SV2C: variants seen among roughly 807,000 people sequenced by gnomAD.
The protein encoded by SV2C is solute carrier family 22 member B3.
Under a neutral mutation model 79.7 loss-of-function variants are expected in SV2C, and 49 were observed. The observed-to-expected ratio is 0.61, with a 90% CI of 0.49 to 0.78. The LOEUF (loss-of-function observed/expected upper bound fraction) is 0.78. SV2C is among the 30% of genes least tolerant of loss of function. The probability of loss-of-function intolerance (pLI) is 0.00; values close to 1 mark genes in which losing one functional copy is unlikely to be tolerated. For missense variants in SV2C, 833 were observed against 912.9 expected, an observed-to-expected ratio of 0.91 and a Z score of 1.13; for synonymous variants, 334 against 333.2, an observed-to-expected ratio of 1.00 and a Z score of -0.03.
the SV2C span, among the ~76,000 whole-genome samples, chr5:75,993,866 G>T: frequency 1.3e-5 from 2 of 152,054 alleles, no homozygotes. Flanking sequence ...AGGCTAATGG[G>T]TTCAGGCACA....
chr5:76,175,071 GA>G (rs1477579274), intron 2 of SV2C, among the ~76,000 whole-genome samples: 9 of 152,214 alleles, frequency 5.9e-5, no homozygotes, highest in African/African-American at 2.2e-4. Context: ...AAGGGAAGGA[GA>G]GGGGGCATGG....
the SV2C span, among the ~76,000 whole-genome samples, chr5:76,056,624 CTTTTTTTTT>C: frequency 3.0e-5 from 2 of 65,712 alleles, no homozygotes; most frequent in Non-Finnish European, 5.7e-5. Context: ...CCTGGGCTTT[CTTTTTTTTT>C]TTTTTTTTTT....
intron 4 of SV2C, among the ~76,000 whole-genome samples, chr5:76,260,500 G>A (rs1025571082): frequency 2.6e-5 from 4 of 152,274 alleles, no homozygotes; most frequent in African/African-American, 9.6e-5. Flanking sequence ...TGGTGCTTTA[G>A]TCATGAAGTC....
At chr5:76,194,744 A>C (rs1271697389) in intron 2 of SV2C, among the ~76,000 whole-genome samples, 175 bp from the exon 3 acceptor site, 5 of 152,208 alleles carry the variant, frequency 3.3e-5, no homozygotes, top group African/African-American at 1.2e-4. Flanking sequence ...TGTTTTTTCC[A>C]TATTGCTTAC....
chr5:76,045,924 A>C, the SV2C span, among the ~76,000 whole-genome samples: 4 of 152,142 alleles, frequency 2.6e-5, no homozygotes, highest in African/African-American at 9.7e-5. Context: ...GGAGGGGTAA[A>C]AAGGAATTAA....
chr5:76,187,750 CAAA>C (rs5868811), intron 2 of SV2C, among the ~76,000 whole-genome samples: 17 of 144,448 alleles, frequency 1.2e-4, no homozygotes, highest in South Asian at 2.2e-4. Context: ...TTTCAAATTG[CAAA>C]AAAAAAAAAA....
chr5:76,282,458 T>G (rs1747227625), intron 4 of SV2C, among the ~76,000 whole-genome samples: 1 of 152,258 alleles, frequency 6.6e-6, no homozygotes, highest in Non-Finnish European at 1.5e-5. Flanking sequence ...TTGTTTGGCA[T>G]GAGGCCCAGT....
intron 12 of SV2C, among the ~76,000 whole-genome samples, chr5:76,321,346 C>G (rs570863740): frequency 6.6e-6 from 1 of 152,024 alleles, no homozygotes; most frequent in African/African-American, 2.4e-5. Flanking sequence ...TTCGATGTGC[C>G]TTTAACTCAG....
At chr5:76,011,269 TTTA>T in the SV2C span, among the ~76,000 whole-genome samples, 2 of 152,156 alleles carry the variant, frequency 1.3e-5, no homozygotes, top group Admixed American at 1.3e-4. Flanking sequence ...ATAGCCACGA[TTTA>T]TCTACTGCTT....
At chr5:76,049,639 G>T in the SV2C span, among the ~76,000 whole-genome samples, 1 of 152,202 alleles carries the variant, frequency 6.6e-6, no homozygotes, top group Non-Finnish European at 1.5e-5. Flanking sequence ...CACAAGTAAT[G>T]TCATTTTGAG....
At chr5:76,311,912 G>A (rs1249123933) in intron 12 of SV2C, among the ~76,000 whole-genome samples, 1 of 152,168 alleles carries the variant, frequency 6.6e-6, no homozygotes, top group Non-Finnish European at 1.5e-5. Flanking sequence ...GGTTTAGTCT[G>A]TGCTGGTCAG....
intron 2 of SV2C, among the ~76,000 whole-genome samples, chr5:76,184,515 A>G (rs1007715178): frequency 6.6e-6 from 1 of 152,242 alleles, no homozygotes; most frequent in Non-Finnish European, 1.5e-5. Flanking sequence ...TATAAAGAAA[A>G]GAGGTTTAAT....
the SV2C span, among the ~76,000 whole-genome samples, chr5:76,029,025 A>G: frequency 6.6e-6 from 1 of 152,212 alleles, no homozygotes; most frequent in African/African-American, 2.4e-5. Flanking sequence ...GGAGTGAACA[A>G]ATGAATGAGC....
chr5:75,858,992 G>A, the SV2C span, among the ~76,000 whole-genome samples: 1 of 150,302 alleles, frequency 6.7e-6, no homozygotes, highest in East Asian at 1.9e-4. Flanking sequence ...TTTTTTTTCA[G>A]TCTGGCTAAA....
intron 4 of SV2C, among the ~76,000 whole-genome samples, 188 bp from the exon 5 acceptor site, chr5:76,284,970 CCTTT>C (rs1435477154): frequency 6.6e-6 from 1 of 152,222 alleles, no homozygotes; most frequent in Non-Finnish European, 1.5e-5. Flanking sequence ...GTTCCAAGCA[CCTTT>C]CTTCTCAGCT....
At chr5:76,278,946 G>A (rs1171737332) in intron 4 of SV2C, among the ~76,000 whole-genome samples, 2 of 152,208 alleles carry the variant, frequency 1.3e-5, no homozygotes, top group African/African-American at 2.4e-5. Context: ...GTCAGGGGAA[G>A]GTCCACGTCG....
chr5:76,277,133 T>C (rs1325228844), intron 4 of SV2C, among the ~76,000 whole-genome samples: 1 of 152,154 alleles, frequency 6.6e-6, no homozygotes, highest in African/African-American at 2.4e-5. Context: ...CAGCTAGAGC[T>C]TGCATACACT....
rs1177578348 is a variant in SV2C, at chr5:76,329,373, T to C, written c.*3826T>C. 1 of 152,250 alleles carries C rather than the reference T, an allele frequency of 6.6e-6. No homozygotes were observed. The highest frequency in any genetic ancestry group is 1.5e-5 in the Non-Finnish European group (1 of 68,046). The allele number at this position is 152,250 out of a possible 1,614,324, so 9.4% of individuals were successfully genotyped here. A position where few individuals can be genotyped will look rare whatever the true frequency, so the allele number is the denominator to read the frequency against. On this transcript the variant is annotated 3_prime_UTR_variant, in exon 13 of 13. Transcript: ENST00000502798. Reference sequence around the variant, plus strand: ...TCTCCTGACTGTTTATTCCATTATTTTCTTGAAACATGGCCTTAAGTATTA... The same window carrying C: ...TCTCCTGACTGTTTATTCCATTATTCTCTTGAAACATGGCCTTAAGTATTA...
chr5:76,314,339 T>G (rs1383203253), intron 12 of SV2C, among the ~76,000 whole-genome samples: 1 of 152,132 alleles, frequency 6.6e-6, no homozygotes, highest in Non-Finnish European at 1.5e-5. Flanking sequence ...TTCCACTTCT[T>G]CCATCACAGC....
Sources: allele counts gnomAD v4.1 joint callset (sites outside exome capture counted in the v4.1 genomes callset), GRCh38; gene constraint gnomAD v4.1.1; transcripts MANE v1.5; gene names NCBI Gene and HGNC (gene_info 2026-07-23, HGNC 2026-07-21).